The following TUT1 variants were observed in gnomAD, a reference collection of about 807,000 sequenced individuals.
TUT1 encodes the protein speckle targeted PIP5K1A-regulated poly(A) polymerase.
Under a neutral mutation model 48.8 loss-of-function variants are expected in TUT1, and 26 were observed. That is an observed-to-expected ratio of 0.53 (90% CI 0.39 to 0.74). The LOEUF is 0.74. TUT1 is among the 30% of genes least tolerant of loss of function. TUT1 has a pLI of 0.00. For synonymous variants in TUT1, 470 were observed against 460.8 expected (o/e 1.02, Z -0.26); for missense variants, 1,065 against 1,114.8 (o/e 0.96, Z 0.64).
intron 2 of TUT1, chr11:62,582,568 C>T (rs1184905417): frequency 8.8e-6 from 4 of 455,084 alleles, no homozygotes; most frequent in Non-Finnish European, 1.8e-5. Flanking sequence ...CACCACTACA[C>T]ACCAGCCTGA....
rs781133004 is a variant in TUT1, at chr11:62,576,145, C to A, written c.1574G>T (p.Gly525Val). 1.8e-5 allele frequency: 29 copies of A among 1,613,950 alleles called. No homozygotes were observed. In the East Asian group the frequency reaches 4.5e-4, roughly 25 times the overall value. The change falls in exon 9 of 9, where the codon GGC becomes GTC. Residue 525 changes from glycine to valine, a missense_variant. By Grantham distance (109) the Gly-to-Val change is moderately radical (BLOSUM62 -3). Coordinates refer to ENST00000476907, the MANE Select transcript of TUT1 (RefSeq NM_022830.3). ...ACCCTCCCAGAGATTAGAAGGCAGG[C>A]CCCCTGCCACAGGCAGTGCCTGACC... is the stretch of plus-strand genomic sequence containing the variant. ...REGQALPVAG[G>V]LPSNLWEGLR...
intron 1 of TUT1, 78 bp from the exon 2 acceptor site, chr11:62,589,299 C>T (rs952253184): frequency 2.1e-5 from 29 of 1,366,002 alleles, no homozygotes; most frequent in Non-Finnish European, 2.7e-5. Flanking sequence ...ATACCTAAAT[C>T]TTACTGATCC....
chr11:62,578,023 TGCACTCCA>T (rs927995198), intron 5 of TUT1, among the ~76,000 whole-genome samples: 8 of 143,824 alleles, frequency 5.6e-5, no homozygotes, highest in African/African-American at 2.1e-4. Flanking sequence ...ATCGCACCAT[TGCACTCCA>T]GCCTGGGCAA....
chr11:62,591,347 G>C (rs1209920341), intron 1 of TUT1, 57 bp downstream of exon 1: 1 of 1,496,238 alleles, frequency 6.7e-7, no homozygotes, highest in African/African-American at 1.4e-5. Flanking sequence ...ACTTTCGCCA[G>C]GATCAAAAGA....
At chr11:62,582,365 A>G (rs1941842154) in intron 2 of TUT1, 1 of 206,352 alleles carries the variant, frequency 4.8e-6, no homozygotes, top group African/African-American at 2.4e-5. Context: ...GATTGCAATG[A>G]GCCGAGATCG....
At position 62,581,224 on chromosome 11, in the gene TUT1, A is replaced by C; in HGVS notation, c.590-18T>G. 1 of 1,611,584 alleles carries C rather than the reference A, an allele frequency of 6.2e-7. No homozygotes were observed. The highest frequency in any genetic ancestry group is 8.5e-7 in the Non-Finnish European group (1 of 1,178,074). ...CACACAGCCTGGGTGCCGAGCAGAG[A>C]AGAAAGGTCAAGAGAAGTTAGGGAG... On this transcript the variant is annotated intron_variant, in intron 3 of 8. Coordinates refer to ENST00000476907, the MANE Select transcript of TUT1 (RefSeq NM_022830.3).
rs1258656495 is a variant in TUT1 at position 62,588,262 on chromosome 11, C to G, written c.273+769G>C. On this transcript the variant is annotated intron_variant, in intron 2 of 8. Transcript: ENST00000476907. The stretch of plus-strand genomic sequence containing the variant: ...CTAACTCTGGTGAAGTGATAAAATC[C>G]AAAGGGTGGGACTGGGAGCAGTGGC... 4.6e-5 allele frequency among the ~76,000 whole-genome samples: 7 copies of G among 152,240 alleles called. 1 individual carries two copies. The South Asian group carries it at 1.4e-3, about 32-fold the overall frequency.
chr11:62,583,953 T>C (rs144629250), intron 2 of TUT1, among the ~76,000 whole-genome samples: 135 of 152,232 alleles, frequency 8.9e-4, no homozygotes, highest in African/African-American at 3.1e-3. Flanking sequence ...CCTCACACCA[T>C]ACATAACAAT....
At chr11:62,586,450 C>A (rs2134313908) in intron 2 of TUT1, among the ~76,000 whole-genome samples, 1 of 152,316 alleles carries the variant, frequency 6.6e-6, no homozygotes, top group African/African-American at 2.4e-5. Context: ...ATGTGCTTAG[C>A]ACACAATTGA....
In TUT1 at chr11:62,577,231, C is replaced by A; in HGVS notation, c.1221G>T (p.Arg407=). ...SLCSELDGRV[R]PLVYTLRCWA... Reference sequence around the variant, plus strand: ...AGCAGCGGAGGGTGTACACGAGGGGCCGGACTCGACCATCCAGCTCAGAGC... The same window carrying A: ...AGCAGCGGAGGGTGTACACGAGGGGACGGACTCGACCATCCAGCTCAGAGC... The change falls in exon 6 of 9, where the codon CGG becomes CGT. Residue 407 remains arginine (R), a synonymous_variant. Transcript: ENST00000476907. 6.2e-7 allele frequency: 1 copy of A among 1,611,072 alleles called. No homozygotes were observed. Among genetic ancestry groups the A allele is most frequent in the Non-Finnish European group, 8.5e-7 (1 of 1,179,088 alleles).
chr11:62,575,522 C>G lies in TUT1; in HGVS notation c.2197G>C (p.Ala733Pro). ...TTGGGCCCCCGCTCTGCCAGGGCTG[C>G]GTGGCTGGGCTGCCCCTCTTCTCCA... Reference protein sequence around the residue: ...APGEEGQPSHAALAERGPKGH... With the variant: ...APGEEGQPSHPALAERGPKGH... The change falls in exon 9 of 9, where the codon GCA becomes CCA. Residue 733 changes from alanine (A) to proline (P), a missense_variant. Ala to Pro is a conservative substitution (Grantham distance 27). Coordinates refer to ENST00000476907, the MANE Select transcript of TUT1 (RefSeq NM_022830.3). 1 of 1,613,436 alleles carries G rather than the reference C, an allele frequency of 6.2e-7. No individual in the cohort carries two copies.
Position 62,575,183 on chromosome 11 carries a change from T to A in TUT1, c.2536A>T (p.Thr846Ser). ...VSPADRMLTVTPLQDPQGLFP... is the reference protein window; with the variant it reads ...VSPADRMLTVSPLQDPQGLFP... Reference sequence around the variant, plus strand: ...AGGCCTTGGGGATCCTGGAGCGGGGTCACAGTGAGCATTCGGTCAGCCGGG... The same window carrying A: ...AGGCCTTGGGGATCCTGGAGCGGGGACACAGTGAGCATTCGGTCAGCCGGG... The change falls in exon 9 of 9, where the codon ACC (threonine) becomes TCC (serine). Residue 846 changes from threonine (T) to serine (S), a missense_variant. Coordinates refer to ENST00000476907, the MANE Select transcript of TUT1 (RefSeq NM_022830.3). The A allele has an allele frequency of 6.2e-7, 1 of 1,610,878 alleles. No homozygotes were observed.
rs149360817 is a variant in TUT1 at position 62,575,574 on chromosome 11, G to A, written c.2145C>T (p.Pro715=). 4.9e-5 allele frequency: 79 copies of A among 1,613,896 alleles called. No individual in the cohort carries two copies. Among genetic ancestry groups the A allele is most frequent in the Non-Finnish European group, 6.3e-5 (74 of 1,180,026 alleles). Residue 715 remains proline, a synonymous_variant, in exon 9 of 9, where the codon CCC becomes CCT. Coordinates refer to ENST00000476907, the MANE Select transcript of TUT1 (RefSeq NM_022830.3). ...GGGCTCCATGCTTTCCAGTGGTCAG[G>A]GGCAGGTCCCCTGGCTGCCCAGGGC... ...MQSPGQPGDL[P]LTTGKHGAPG...
rs1173110092 is a variant in TUT1 at position 62,575,817 on chromosome 11, A to G, written c.1902T>C (p.His634=). The stretch of plus-strand genomic sequence containing the variant: ...GCGTTCTCTTGGTTGCCTGTTCTAT[A>G]TGGCACCCCAGTGCTTCCCTGAATA... ...VQVFREALGC[H]IEQATKRTRS... The change falls in exon 9 of 9, where the codon CAT becomes CAC. Residue 634 remains histidine, a synonymous_variant. Transcript: ENST00000476907. The G allele has an allele frequency of 6.2e-7, 1 of 1,613,894 alleles. No homozygotes were observed. The highest frequency in any genetic ancestry group is 8.5e-7 in the Non-Finnish European group (1 of 1,180,002).
At chr11:62,585,038 T>A (rs1433980393) in intron 2 of TUT1, among the ~76,000 whole-genome samples, 2 of 151,928 alleles carry the variant, frequency 1.3e-5, no homozygotes, top group African/African-American at 4.8e-5. Flanking sequence ...GCCAGGCTGG[T>A]CTCAAACTCC....
intron 2 of TUT1, among the ~76,000 whole-genome samples, chr11:62,586,685 G>A (rs1320721395): frequency 3.3e-5 from 5 of 152,054 alleles, no homozygotes; most frequent in African/African-American, 9.7e-5. Flanking sequence ...AGAGGCCGAG[G>A]TAGGCGGATC....
Position 62,575,560 on chromosome 11 carries a change from T to C in TUT1, c.2159A>G (p.Lys720Arg), listed in dbSNP as rs972295961. Reference sequence around the variant, plus strand: ...CCCCTCTTCTCCAGGGGCTCCATGCTTTCCAGTGGTCAGGGGCAGGTCCCC... The same window carrying C: ...CCCCTCTTCTCCAGGGGCTCCATGCCTTCCAGTGGTCAGGGGCAGGTCCCC... ...QPGDLPLTTGKHGAPGEEGQP... is the reference protein window; with the variant it reads ...QPGDLPLTTGRHGAPGEEGQP... The change falls in exon 9 of 9, where the codon AAG becomes AGG. Residue 720 changes from lysine to arginine, a missense_variant. Transcript: ENST00000476907. 14 of 1,613,908 alleles carry C rather than the reference T, an allele frequency of 8.7e-6. No homozygotes were observed. Among genetic ancestry groups the C allele is most frequent in the Admixed American group, 1.7e-5 (1 of 60,008 alleles).
rs141562476 is a variant in TUT1 at position 62,577,194 on chromosome 11, G to A, written c.1258C>T (p.Arg420Trp). 3.6e-5 allele frequency: 58 copies of A among 1,608,974 alleles called. No homozygotes were observed. Among genetic ancestry groups the A allele is most frequent in the South Asian group, 7.7e-5 (7 of 90,662 alleles). Residue 420 changes from arginine to tryptophan, a missense_variant, in exon 6 of 9, where the codon CGG (arginine) becomes TGG (tryptophan). Physicochemically the swap from Arg to Trp is moderately radical, Grantham distance 101. Transcript: ENST00000476907. ...GATCCATTCTCACCTGACAGCCCCC[G>A]ACCCTGAGCCCAGCAGCGGAGGGTG... The part of the protein sequence containing the change: ...VYTLRCWAQG[R>W]GLSGSGPLLS...
intron 5 of TUT1, among the ~76,000 whole-genome samples, 169 bp downstream of exon 5, chr11:62,578,392 A>C (rs1292602305): frequency 1.3e-5 from 2 of 151,892 alleles, no homozygotes; most frequent in East Asian, 3.9e-4. Context: ...CTAAAAATAC[A>C]AAATTAGCCA....
Sources: gnomAD v4.1 joint callset for allele counts (sites outside exome capture counted in the v4.1 genomes callset) on GRCh38, gnomAD v4.1.1 for gene constraint, MANE v1.5 for transcripts, NCBI Gene and HGNC (gene_info 2026-07-23, HGNC 2026-07-21) for gene names.